The following MARCHF1 variants were observed in gnomAD, a reference collection of about 807,000 sequenced individuals.
The protein encoded by MARCHF1 is E3 ubiquitin-protein ligase MARCHF1.
A neutral mutation model predicts 54.2 loss-of-function variants in MARCHF1; 40 were observed. The observed-to-expected ratio is 0.74, with a 90% CI of 0.57 to 0.96. The LOEUF (loss-of-function observed/expected upper bound fraction) is 0.96. Among genes scored for constraint, MARCHF1 ranks in the 40% least tolerant of loss-of-function variants. The pLI is 0.00. For synonymous variants in MARCHF1, 236 were observed against 236.3 expected, an observed-to-expected ratio of 1.00 and a Z score of 0.01; for missense variants, 586 against 656.5, an observed-to-expected ratio of 0.89 and a Z score of 1.17.
Position 164,035,972 on chromosome 4 carries a change from G to A in MARCHF1, c.-247-47263C>T, listed in dbSNP as rs146570856. Among the ~76,000 whole-genome samples the A allele has an allele frequency of 6.8e-3, 1,007 of 148,242 alleles. 15 individuals are homozygous for A. Among genetic ancestry groups the A allele is most frequent in the African/African-American group, 0.024 (958 of 40,512 alleles). On this transcript the variant is annotated intron_variant, in intron 2 of 9. Coordinates refer to ENST00000514618, the MANE Select transcript of MARCHF1 (RefSeq NM_001394959.1). The stretch of plus-strand genomic sequence containing the variant: ...AAAAAAATTAACCAGGCATGGTGGT[G>A]TGTACCTGTAATCCCAGCTACTCAG...
intron 1 of MARCHF1, among the ~76,000 whole-genome samples, chr4:164,367,471 A>G (rs928189825): frequency 6.6e-6 from 1 of 151,988 alleles, no homozygotes; most frequent in Non-Finnish European, 1.5e-5. Context: ...ATTGGATGAA[A>G]TATATTAATA....
chr4:163,894,440 A>G (rs1386196767), intron 3 of MARCHF1, among the ~76,000 whole-genome samples: 1 of 151,856 alleles, frequency 6.6e-6, no homozygotes, highest in African/African-American at 2.4e-5. Flanking sequence ...TGAGTGAATG[A>G]AAGATTAATA....
At chr4:163,674,324 T>C (rs1469517178) in intron 5 of MARCHF1, among the ~76,000 whole-genome samples, 1 of 152,062 alleles carries the variant, frequency 6.6e-6, no homozygotes, top group Non-Finnish European at 1.5e-5. Context: ...ACCCCATAAA[T>C]TTATACAAAT....
chr4:163,684,085 G>C (rs1166848198), intron 5 of MARCHF1, among the ~76,000 whole-genome samples: 4 of 152,204 alleles, frequency 2.6e-5, no homozygotes, highest in Non-Finnish European at 1.5e-5. Flanking sequence ...TGAAAGGCAA[G>C]AGTTGTATCA....
At chr4:164,361,229 T>G (rs1730714800) in intron 1 of MARCHF1, among the ~76,000 whole-genome samples, 1 of 152,082 alleles carries the variant, frequency 6.6e-6, no homozygotes, top group African/African-American at 2.4e-5. Flanking sequence ...CTTTTAAGTT[T>G]CACACTTGCA....
chr4:164,361,026 AGCACTTGATGGTCTAGG>A (rs1382474635), intron 1 of MARCHF1, among the ~76,000 whole-genome samples: 1 of 151,756 alleles, frequency 6.6e-6, no homozygotes, highest in African/African-American at 2.4e-5. Context: ...GATGGTCTAG[AGCACTTGATGGTCTAGG>A]GTCATTATGG....
intron 1 of MARCHF1, among the ~76,000 whole-genome samples, chr4:164,237,467 T>A (rs1732596241): frequency 6.6e-6 from 1 of 152,120 alleles, no homozygotes; most frequent in Admixed American, 6.6e-5. Context: ...TAGGTGTTTT[T>A]AAAGACTAGG....
intron 4 of MARCHF1, among the ~76,000 whole-genome samples, chr4:163,789,154 ATTTAT>A (rs927736377): frequency 5.4e-4 from 82 of 152,094 alleles, no homozygotes; most frequent in African/African-American, 1.8e-3. Flanking sequence ...ATTTGTGGAT[ATTTAT>A]TTTATTATTT....
At chr4:163,936,194 A>G (rs1751791470) in intron 3 of MARCHF1, among the ~76,000 whole-genome samples, 1 of 152,284 alleles carries the variant, frequency 6.6e-6, no homozygotes, top group Non-Finnish European at 1.5e-5. Context: ...CAACAGTAAC[A>G]TCAAAGATCA....
At chr4:163,687,226 C>A (rs2111184508) in intron 5 of MARCHF1, among the ~76,000 whole-genome samples, 1 of 151,614 alleles carries the variant, frequency 6.6e-6, no homozygotes, top group South Asian at 2.1e-4. Flanking sequence ...GGTGAGAAGT[C>A]AGATCTTTTT....
At chr4:164,008,604 A>AT (rs1753346904) in intron 2 of MARCHF1, among the ~76,000 whole-genome samples, 1 of 152,092 alleles carries the variant, frequency 6.6e-6, no homozygotes. Flanking sequence ...GTCTGAACAA[A>AT]TAAAAAAAAG....
At chr4:164,062,385 A>G (rs1187163676) in intron 2 of MARCHF1, among the ~76,000 whole-genome samples, 2 of 151,840 alleles carry the variant, frequency 1.3e-5, no homozygotes, top group African/African-American at 4.8e-5. Flanking sequence ...GACCTCCTTT[A>G]TGAGTTACTA....
At chr4:164,276,749 C>G (rs2111325458) in intron 1 of MARCHF1, among the ~76,000 whole-genome samples, 1 of 150,224 alleles carries the variant, frequency 6.7e-6, no homozygotes, top group Admixed American at 6.6e-5. Context: ...TTCTCTGAAA[C>G]TGTAACTGTA....
At chr4:163,722,271 C>T (rs940389912) in intron 4 of MARCHF1, among the ~76,000 whole-genome samples, 4 of 152,022 alleles carry the variant, frequency 2.6e-5, no homozygotes, top group African/African-American at 9.7e-5. Flanking sequence ...TTATTTCTGC[C>T]TTCATTTCAT....
Position 164,081,207 on chromosome 4 carries a change from C to CAAAA in MARCHF1, c.-248+30377_-248+30380dup, listed in dbSNP as rs60753810. 8.0e-3 allele frequency among the ~76,000 whole-genome samples: 148 copies of CAAAA among 18,398 alleles called. 37 individuals are homozygous for CAAAA. The highest frequency in any genetic ancestry group is 0.011 in the South Asian group (2 of 190). 12.1% of individuals were successfully genotyped at this position (18,398 alleles called of 152,430 possible). On this transcript the variant is annotated intron_variant, in intron 2 of 9. Transcript: ENST00000514618. ...TGGGCGACAGAGCCAGACGCTGTCTCAAAAAAAAAAAAAAAAAAAAAAAAA... is the reference window on the plus strand; with the variant it reads ...TGGGCGACAGAGCCAGACGCTGTCTCAAAAAAAAAAAAAAAAAAAAAAAAAAAAA...
chr4:164,136,128 G>A (rs1756396705), intron 1 of MARCHF1, among the ~76,000 whole-genome samples: 1 of 151,238 alleles, frequency 6.6e-6, no homozygotes, highest in South Asian at 2.1e-4. Flanking sequence ...TATCCTCACT[G>A]GGAGAGTGAC....
intron 5 of MARCHF1, among the ~76,000 whole-genome samples, chr4:163,637,494 G>T (rs1201142029): frequency 6.6e-6 from 1 of 152,174 alleles, no homozygotes; most frequent in Non-Finnish European, 1.5e-5. Context: ...ATGAAATAAT[G>T]CTCATCATCA....
chr4:164,365,833 T>C (rs927601495), intron 1 of MARCHF1, among the ~76,000 whole-genome samples: 10 of 152,046 alleles, frequency 6.6e-5, no homozygotes, highest in Non-Finnish European at 1.2e-4. Context: ...CAAGTATATA[T>C]GCTAACATTA....
intron 2 of MARCHF1, among the ~76,000 whole-genome samples, chr4:164,005,148 C>CA (rs1250969119): frequency 2.0e-5 from 3 of 151,172 alleles, no homozygotes; most frequent in Non-Finnish European, 4.4e-5. Flanking sequence ...TTAACAAATG[C>CA]AAAAATAATT....
Sources: allele counts gnomAD v4.1 joint callset (sites outside exome capture counted in the v4.1 genomes callset), GRCh38; gene constraint gnomAD v4.1.1; transcripts MANE v1.5; gene names NCBI Gene and HGNC (gene_info 2026-07-23, HGNC 2026-07-21).